Variants in GRK5 observed in about 807,000 individuals in gnomAD.
GRK5 encodes the protein g protein-coupled receptor kinase GRK5.
In GRK5, 40 loss-of-function variants were observed where a neutral mutation model predicts 78.4. The observed-to-expected ratio is 0.51, with a 90% CI of 0.40 to 0.66. The LOEUF (loss-of-function observed/expected upper bound fraction) is 0.66, where lower values mean the gene tolerates loss of function less well. Ranked by LOEUF, GRK5 falls within the 30% of genes least tolerant of loss-of-function variation. GRK5 has a pLI of 0.00. For synonymous variants in GRK5, 289 were observed against 296.8 expected, an observed-to-expected ratio of 0.97 and a Z score of 0.27; for missense variants, 598 against 759.9, an observed-to-expected ratio of 0.79 and a Z score of 2.50.
chr10:119,232,254 A>G (rs971653611), intron 1 of GRK5, among the ~76,000 whole-genome samples: 1 of 152,242 alleles, frequency 6.6e-6, no homozygotes, highest in African/African-American at 2.4e-5. Context: ...ATGTGTTCTC[A>G]CTTATACGTG....
Position 119,380,826 on chromosome 10 carries a change from T to G in GRK5, c.160T>G (p.Cys54Gly). The G allele has an allele frequency of 1.2e-6, 2 of 1,608,834 alleles. No individual in the cohort carries two copies. The highest frequency in any genetic ancestry group is 1.7e-6 in the Non-Finnish European group (2 of 1,175,268). Residue 54 changes from cysteine (C) to glycine (G), a missense_variant, in exon 3 of 16, where the codon TGC becomes GGC. By Grantham distance (159) the Cys-to-Gly change is radical (BLOSUM62 -3). Coordinates refer to ENST00000392870, the MANE Select transcript of GRK5 (RefSeq NM_005308.3). ...TTTCTTGTCTCCAGACAGAGATTAC[T>G]GCAGTTTATGTGACAAGCAGCCAAT... ...DLRRTIDRDY[C>G]SLCDKQPIGR...
intron 2 of GRK5, among the ~76,000 whole-genome samples, chr10:119,366,315 A>T (rs1387026023): frequency 1.3e-5 from 2 of 152,162 alleles, no homozygotes; most frequent in East Asian, 3.9e-4. Flanking sequence ...TGGTGACCTC[A>T]TAAGTGTCCA....
chr10:119,278,173 T>G (rs1341445871), intron 1 of GRK5, among the ~76,000 whole-genome samples: 1 of 152,198 alleles, frequency 6.6e-6, no homozygotes, highest in African/African-American at 2.4e-5. Flanking sequence ...TTAGATAAGC[T>G]TCCCCAATTC....
chr10:119,297,180 A>G (rs1334296314), intron 1 of GRK5, among the ~76,000 whole-genome samples: 1 of 152,246 alleles, frequency 6.6e-6, no homozygotes, highest in Non-Finnish European at 1.5e-5. Context: ...TGGTTTGGAA[A>G]TAGAAGCTAC....
chr10:119,313,089 ATGG>A (rs1399334813), intron 1 of GRK5, among the ~76,000 whole-genome samples: 3 of 56,086 alleles, frequency 5.3e-5, no homozygotes, highest in African/African-American at 8.0e-5. Flanking sequence ...GGTGGTGGTG[ATGG>A]TGGTGATGGT....
intron 2 of GRK5, among the ~76,000 whole-genome samples, chr10:119,372,743 C>T (rs1226914356): frequency 9.8e-5 from 15 of 152,322 alleles, no homozygotes; most frequent in Admixed American, 3.3e-4. Flanking sequence ...CAACTCCAGG[C>T]TTACATGGTC....
intron 1 of GRK5, among the ~76,000 whole-genome samples, chr10:119,261,154 G>A (rs1461262134): frequency 5.3e-5 from 8 of 149,804 alleles, no homozygotes; most frequent in African/African-American, 1.7e-4. Context: ...GGCGGCTGCC[G>A]GGCGGAGAGG....
chr10:119,385,966 C>T (rs529072295), intron 3 of GRK5, among the ~76,000 whole-genome samples: 26 of 152,158 alleles, frequency 1.7e-4, no homozygotes, highest in Non-Finnish European at 3.4e-4. Context: ...GTCACTGCAA[C>T]CTCTGCCTCC....
At chr10:119,323,809 C>T (rs745550884) in intron 1 of GRK5, among the ~76,000 whole-genome samples, 1 of 152,168 alleles carries the variant, frequency 6.6e-6, no homozygotes, top group African/African-American at 2.4e-5. Context: ...GAGCGAGGTA[C>T]ACTGTAGCTA....
chr10:119,313,185 A>ATGATGATGGTGGTGGTAATGGTGGTGG, intron 1 of GRK5, among the ~76,000 whole-genome samples: 2 of 131,106 alleles, frequency 1.5e-5, no homozygotes, highest in East Asian at 4.6e-4. Context: ...GGTGATGGTG[A>ATGATGATGGTGGTGGTAATGGTGGTGG]TGATGATGGT....
At chr10:119,281,352 C>G (rs138894486) in intron 1 of GRK5, among the ~76,000 whole-genome samples, 161 of 152,232 alleles carry the variant, frequency 1.1e-3, no homozygotes, top group African/African-American at 3.8e-3. Context: ...CAGGGACCCC[C>G]CTAACCCTAC....
At chr10:119,371,773 C>T (rs939108828) in intron 2 of GRK5, among the ~76,000 whole-genome samples, 2 of 152,226 alleles carry the variant, frequency 1.3e-5, no homozygotes, top group African/African-American at 4.8e-5. Flanking sequence ...GAAGTAAAAC[C>T]CATCATTTCC....
Position 119,222,728 on chromosome 10 carries a change from G to A in GRK5, c.52+14759G>A, listed in dbSNP as rs543286735. On this transcript the variant is annotated intron_variant, in intron 1 of 15. Transcript: ENST00000392870. ...TCTTCTGGGAAACATTTGCAGATGT[G>A]TGAGCTAGCTCTACATGGGGAAGGG... 3.5e-4 allele frequency among the ~76,000 whole-genome samples: 54 copies of A among 152,296 alleles called. No individual in the cohort carries two copies. The South Asian group carries it at 0.011, about 32-fold the overall frequency.
intron 1 of GRK5, among the ~76,000 whole-genome samples, chr10:119,237,923 AGAGGGATGGAGGAAGGGGCTGGAGTT>A (rs11271928): frequency 8.8e-4 from 3 of 3,408 alleles, no homozygotes; most frequent in African/African-American, 1.2e-3. Flanking sequence ...GTCAAGAGAG[AGAGGGATGGAGGAAGGGGCTGGAGTT>A]GAGGGATGGA....
intron 1 of GRK5, among the ~76,000 whole-genome samples, chr10:119,313,163 GGTA>G (rs1263973659): frequency 2.0e-5 from 3 of 149,242 alleles, no homozygotes; most frequent in African/African-American, 5.1e-5. Context: ...TGGTGGTAAT[GGTA>G]GTGGTGGTGG....
chr10:119,449,078 C>T (rs866016748), intron 13 of GRK5, among the ~76,000 whole-genome samples: 5 of 152,320 alleles, frequency 3.3e-5, no homozygotes, highest in Non-Finnish European at 7.4e-5. Context: ...CTATGGAGGC[C>T]GTGGGAGCAG....
intron 1 of GRK5, among the ~76,000 whole-genome samples, chr10:119,309,527 T>G (rs559340269): frequency 7.5e-4 from 115 of 152,326 alleles, no homozygotes; most frequent in African/African-American, 2.7e-3. Context: ...GGCAGAGTAA[T>G]GGCGACAGCT....
chr10:119,360,090 G>A (rs546224539), intron 2 of GRK5, among the ~76,000 whole-genome samples: 29 of 151,170 alleles, frequency 1.9e-4, no homozygotes, highest in Non-Finnish European at 3.5e-4. Flanking sequence ...GAGATAGGGG[G>A]AGGCTGAGGA....
At chr10:119,259,103 C>T (rs1346657580) in intron 1 of GRK5, among the ~76,000 whole-genome samples, 3 of 126,942 alleles carry the variant, frequency 2.4e-5, no homozygotes, top group Non-Finnish European at 3.2e-5. Context: ...CTCGCTCTTT[C>T]GCCCAGGCCG....
Sources: allele counts gnomAD v4.1 joint callset (sites outside exome capture counted in the v4.1 genomes callset), GRCh38; gene constraint gnomAD v4.1.1; transcripts MANE v1.5; gene names NCBI Gene and HGNC (gene_info 2026-07-23, HGNC 2026-07-21).